Variants in ADGRB1 observed in about 807,000 individuals in gnomAD.
ADGRB1 encodes adhesion G protein-coupled receptor B1.
In ADGRB1, 36 loss-of-function variants were observed where a neutral mutation model predicts 175.7. The observed-to-expected ratio is 0.20, with a 90% CI of 0.16 to 0.27. The LOEUF (loss-of-function observed/expected upper bound fraction) is 0.27. Among genes scored for constraint, ADGRB1 ranks in the 10% least tolerant of loss-of-function variants. The pLI is 1.00. For missense variants in ADGRB1, 1,731 were observed against 2,255.3 expected (o/e 0.77, Z 4.71); for synonymous variants, 1,054 against 979.4 (o/e 1.08, Z -1.42).
chr8:142,472,896 G>A (rs994051675), intron 2 of ADGRB1, among the ~76,000 whole-genome samples: 2 of 152,120 alleles, frequency 1.3e-5, no homozygotes, highest in African/African-American at 2.4e-5. Context: ...GGCTCAGCAC[G>A]GGTCCAAAGT....
At chr8:142,485,150 C>T (rs1841600170) in intron 13 of ADGRB1, among the ~76,000 whole-genome samples, 1 of 152,240 alleles carries the variant, frequency 6.6e-6, no homozygotes, top group Non-Finnish European at 1.5e-5. Context: ...GGGGCCTGGA[C>T]TCCACCCAGC....
At chr8:142,540,335 G>A (rs1845193313) in intron 27 of ADGRB1, among the ~76,000 whole-genome samples, 1 of 152,270 alleles carries the variant, frequency 6.6e-6, no homozygotes, top group African/African-American at 2.4e-5. Flanking sequence ...GGGGTCTCCT[G>A]TGAACCAGTC....
At chr8:142,463,470 C>T (rs530014285) in intron 1 of ADGRB1, among the ~76,000 whole-genome samples, 50 of 152,268 alleles carry the variant, frequency 3.3e-4, no homozygotes, top group Non-Finnish European at 1.3e-4. Context: ...TCCTGTGCTC[C>T]GGGCCCACTT....
At chr8:142,530,890 G>A (rs1844587344) in intron 24 of ADGRB1, among the ~76,000 whole-genome samples, 2 of 152,252 alleles carry the variant, frequency 1.3e-5, no homozygotes, top group East Asian at 1.9e-4. Flanking sequence ...AGCAGCTCCC[G>A]GGCCTTTCTG....
chr8:142,485,004 C>T (rs1379923329), intron 13 of ADGRB1, among the ~76,000 whole-genome samples: 10 of 152,174 alleles, frequency 6.6e-5, no homozygotes, highest in Non-Finnish European at 1.3e-4. Context: ...CCCCAACCAG[C>T]GCTTCGCATG....
chr8:142,544,101 C>G, intron 30 of ADGRB1, 119 bp from the exon 31 acceptor site: 1 of 1,105,864 alleles, frequency 9.0e-7, no homozygotes, highest in African/African-American at 1.6e-5. Context: ...CCCCTGTCCC[C>G]TGTCCCCCAC....
intron 17 of ADGRB1, among the ~76,000 whole-genome samples, chr8:142,501,702 G>T (rs1404900079): frequency 1.7e-5 from 2 of 118,740 alleles, no homozygotes; most frequent in Non-Finnish European, 3.7e-5. Flanking sequence ...GAGGTGGGGT[G>T]GTGGTGGTGA....
intron 1 of ADGRB1, among the ~76,000 whole-genome samples, chr8:142,461,688 T>C (rs1354434750): frequency 6.6e-6 from 1 of 152,076 alleles, no homozygotes; most frequent in Non-Finnish European, 1.5e-5. Context: ...AGGGGAAAGG[T>C]GGGCCTTGGC....
At chr8:142,481,067 G>A (rs1841308497) in intron 9 of ADGRB1, among the ~76,000 whole-genome samples, 187 bp from the exon 10 acceptor site, 1 of 152,270 alleles carries the variant, frequency 6.6e-6, no homozygotes, top group Admixed American at 6.5e-5. Flanking sequence ...GCAGGTAGCA[G>A]CTGGAAATGT....
rs1187422895 is a variant in ADGRB1 at position 142,485,235 on chromosome 8, TAG to T, written c.2308+475_2308+476del. ...TAACGGTGCCCATCTCATGGGGAGG[TAG>T]AGACTGATGAGACGAGTGAGTGGCT... On this transcript the variant is annotated intron_variant, in intron 13 of 30. Transcript: ENST00000517894. 3.9e-5 allele frequency among the ~76,000 whole-genome samples: 6 copies of T among 152,074 alleles called. No individual in the cohort carries two copies. The East Asian group carries it at 1.2e-3, about 29-fold the overall frequency.
At chr8:142,463,855 G>A in intron 1 of ADGRB1, 125 bp from the exon 2 acceptor site, 1 of 218,354 alleles carries the variant, frequency 4.6e-6, no homozygotes. Flanking sequence ...TGTGTCTGCG[G>A]CCCAAAGTCC....
In ADGRB1 at chr8:142,542,100, A is replaced by C. The variant is rs1471165500; in HGVS notation, c.3866A>C (p.His1289Pro). ...GCCAACGTGTCCAAGCTGCACCTGC[A>C]CGGCTCACCCCGCTATCCCGGCGGG... ...LPANVSKLHLHGSPRYPGGPL... is the reference protein window; with the variant it reads ...LPANVSKLHLPGSPRYPGGPL... Residue 1289 changes from histidine to proline, a missense_variant, in exon 28 of 31, where the codon CAC becomes CCC. Physicochemically the swap from His to Pro is moderately conservative, Grantham distance 77. Coordinates refer to ENST00000517894, the MANE Select transcript of ADGRB1 (RefSeq NM_001702.3). This position sits in a 1 kb window ranked among gnomAD's most constrained non-coding sequence, Gnocchi z 6.3. 2 of 1,613,346 alleles carry C rather than the reference A, an allele frequency of 1.2e-6. No individual in the cohort carries two copies. Among genetic ancestry groups the C allele is most frequent in the Admixed American group, 3.3e-5 (2 of 60,020 alleles).
chr8:142,513,546 T>A (rs1281964123), intron 18 of ADGRB1, among the ~76,000 whole-genome samples: 1 of 152,084 alleles, frequency 6.6e-6, no homozygotes, highest in African/African-American at 2.4e-5. Context: ...ACCGTGCCGA[T>A]CCCTCTGAGG....
chr8:142,458,536 G>A (rs931936728), intron 1 of ADGRB1, among the ~76,000 whole-genome samples: 2 of 151,998 alleles, frequency 1.3e-5, no homozygotes, highest in Non-Finnish European at 2.9e-5. Flanking sequence ...TCTTCCCCAC[G>A]CTGTGGCTCC....
intron 1 of ADGRB1, among the ~76,000 whole-genome samples, chr8:142,460,661 C>T (rs2131652529): frequency 6.6e-6 from 1 of 152,322 alleles, no homozygotes; most frequent in Admixed American, 6.5e-5. Context: ...TGCCGAGGCC[C>T]CAGGTCCCTG....
intron 17 of ADGRB1, among the ~76,000 whole-genome samples, chr8:142,506,120 G>C (rs1842838867): frequency 6.6e-6 from 1 of 152,234 alleles, no homozygotes; most frequent in Admixed American, 6.5e-5. Flanking sequence ...CGACCCCGAG[G>C]TGGAGTAAAC....
chr8:142,511,215 C>T lies in ADGRB1; in HGVS notation c.2817+142C>T, dbSNP rs1196909154. 7 of 717,346 alleles carry T rather than the reference C, an allele frequency of 9.8e-6. No homozygotes were observed. Among genetic ancestry groups the T allele is most frequent in the Admixed American group, 1.2e-4 (2 of 16,574 alleles). The allele number at this position is 717,346 out of a possible 1,614,324, so 44.4% of individuals were successfully genotyped here. A position where few individuals can be genotyped will look rare whatever the true frequency, so the allele number is the denominator to read the frequency against. ...GGCCCGCAGCCGCCGTGGCCTGGCC[C>T]GGCCGGCGGGGTCCATGCGCCTCTG... On this transcript the variant is annotated intron_variant, in intron 18 of 30. Coordinates refer to ENST00000517894, the MANE Select transcript of ADGRB1 (RefSeq NM_001702.3). The surrounding 1 kb of genome is among the most constrained non-coding windows in gnomAD (Gnocchi z 4.5).
chr8:142,488,698 G>C (rs1384002630), intron 14 of ADGRB1, among the ~76,000 whole-genome samples, 191 bp downstream of exon 14: 1 of 152,170 alleles, frequency 6.6e-6, no homozygotes, highest in Admixed American at 6.5e-5. Context: ...GGCCCAGGCA[G>C]AGGGGTCAAG....
At chr8:142,527,281 C>T (rs1399422609) in intron 24 of ADGRB1, among the ~76,000 whole-genome samples, 1 of 152,132 alleles carries the variant, frequency 6.6e-6, no homozygotes, top group Non-Finnish European at 1.5e-5. Flanking sequence ...CCCTCTTGGT[C>T]CTCCCGCCCC....
Sources: gnomAD v4.1 joint callset for allele counts (sites outside exome capture counted in the v4.1 genomes callset) on GRCh38, gnomAD v4.1.1 for gene constraint, Gnocchi (gnomAD v3.1) non-coding constraint, MANE v1.5 for transcripts, NCBI Gene and HGNC (gene_info 2026-07-23, HGNC 2026-07-21) for gene names.